MNAT1: variants seen among roughly 807,000 people sequenced by gnomAD.
MNAT1 encodes the protein MNAT1 component of CDK activating kinase.
In MNAT1, 43 loss-of-function variants were observed where a neutral mutation model predicts 42.0. The ratio of observed to expected loss-of-function variants is 1.02; its 90% CI spans 0.80 to 1.32. The LOEUF (loss-of-function observed/expected upper bound fraction) is 1.32, where lower values mean the gene tolerates loss of function less well. Among genes scored for constraint, MNAT1 ranks in the 40% most tolerant of loss-of-function variants. The probability of loss-of-function intolerance (pLI) is 0.00; values close to 1 mark genes in which losing one functional copy is unlikely to be tolerated. For synonymous variants in MNAT1, 118 were observed against 120.0 expected (o/e 0.98, Z 0.11); for missense variants, 306 against 350.4 (o/e 0.87, Z 1.01).
chr14:60,788,120 A>G (rs916546359), intron 1 of MNAT1, among the ~76,000 whole-genome samples: 3 of 152,156 alleles, frequency 2.0e-5, no homozygotes, highest in Non-Finnish European at 2.9e-5. Context: ...CAAGACTTCA[A>G]TGTCAGAATT....
intron 7 of MNAT1, among the ~76,000 whole-genome samples, chr14:60,925,971 C>G (rs562705404): frequency 6.6e-6 from 1 of 152,264 alleles, no homozygotes; most frequent in South Asian, 2.1e-4. Flanking sequence ...GTCAGAAGCA[C>G]TTTAGCACAT....
intron 1 of MNAT1, among the ~76,000 whole-genome samples, chr14:60,774,211 T>C (rs1172246958): frequency 1.3e-5 from 2 of 151,954 alleles, no homozygotes; most frequent in Non-Finnish European, 2.9e-5. Flanking sequence ...CCAGTAAGAG[T>C]CTTTCTAAAG....
At chr14:60,967,565 CTG>C (rs967357206) in intron 7 of MNAT1, among the ~76,000 whole-genome samples, 22 of 151,974 alleles carry the variant, frequency 1.4e-4, no homozygotes, top group African/African-American at 4.6e-4. Context: ...TTTAAAAAAA[CTG>C]TGTGGTTGCA....
chr14:60,787,532 G>A (rs909959921), intron 1 of MNAT1, among the ~76,000 whole-genome samples: 5 of 152,116 alleles, frequency 3.3e-5, no homozygotes, highest in African/African-American at 1.2e-4. Context: ...AATGAAGTTC[G>A]TTGCATTTAT....
intron 6 of MNAT1, among the ~76,000 whole-genome samples, chr14:60,857,210 GA>G (rs1244090789): frequency 6.6e-6 from 1 of 152,200 alleles, no homozygotes; most frequent in Non-Finnish European, 1.5e-5. Flanking sequence ...ACAGATGTAC[GA>G]GGAGATGAAG....
intron 1 of MNAT1, among the ~76,000 whole-genome samples, chr14:60,793,010 T>A (rs1212949636): frequency 2.0e-5 from 3 of 151,626 alleles, no homozygotes; most frequent in Non-Finnish European, 4.4e-5. Context: ...AACTACTACT[T>A]CTTCTTCTTC....
intron 1 of MNAT1, among the ~76,000 whole-genome samples, chr14:60,787,293 T>C (rs1455065576): frequency 1.3e-5 from 2 of 152,256 alleles, no homozygotes; most frequent in Non-Finnish European, 2.9e-5. Flanking sequence ...TACACTATAC[T>C]GTAGTATATT....
intron 1 of MNAT1, among the ~76,000 whole-genome samples, chr14:60,745,180 G>A (rs1400628960): frequency 6.6e-6 from 1 of 152,170 alleles, no homozygotes; most frequent in Non-Finnish European, 1.5e-5. Context: ...AGAAAGCTGA[G>A]GTATTTGTAG....
At chr14:60,937,019 G>C (rs1224019780) in intron 7 of MNAT1, among the ~76,000 whole-genome samples, 3 of 151,478 alleles carry the variant, frequency 2.0e-5, no homozygotes, top group Non-Finnish European at 4.4e-5. Flanking sequence ...CTGCATAAAT[G>C]TCTTCTTTTG....
intron 7 of MNAT1, among the ~76,000 whole-genome samples, chr14:60,951,688 TATC>T (rs1300291036): frequency 6.6e-6 from 1 of 152,186 alleles, no homozygotes; most frequent in Non-Finnish European, 1.5e-5. Flanking sequence ...TTCAGTTTAT[TATC>T]TATGATTGTG....
chr14:60,903,381 T>C (rs973970016), intron 7 of MNAT1, among the ~76,000 whole-genome samples: 3 of 152,154 alleles, frequency 2.0e-5, no homozygotes, highest in Non-Finnish European at 4.4e-5. Flanking sequence ...AGCTGAAAAC[T>C]TCAAGTTCAG....
Position 60,915,001 on chromosome 14 carries a change from T to G in MNAT1, c.809+35166T>G, listed in dbSNP as rs939152806. The stretch of plus-strand genomic sequence containing the variant: ...CGTTGGCTGATTATTCTGAAATATT[T>G]CAAGGTGAGAGAAGATGCTGATTGA... On this transcript the variant is annotated intron_variant, in intron 7 of 7. Transcript: ENST00000261245. 2.0e-5 allele frequency among the ~76,000 whole-genome samples: 3 copies of G among 152,202 alleles called. No individual in the cohort carries two copies. In the East Asian group the frequency reaches 5.8e-4, roughly 29 times the overall value.
intron 6 of MNAT1, among the ~76,000 whole-genome samples, chr14:60,861,599 A>C (rs1485078220): frequency 3.3e-5 from 5 of 152,198 alleles, no homozygotes; most frequent in African/African-American, 1.2e-4. Context: ...GCATCTTAAA[A>C]ATTGTCTGTA....
intron 1 of MNAT1, among the ~76,000 whole-genome samples, chr14:60,747,492 G>T (rs1203877390): frequency 1.3e-5 from 2 of 152,092 alleles, no homozygotes; most frequent in Admixed American, 1.3e-4. Context: ...TAACACAATG[G>T]TAAGTTTTTG....
At position 60,968,444 on chromosome 14, in the gene MNAT1, A is replaced by G; in HGVS notation, c.*95A>G. The G allele has an allele frequency of 6.5e-7, 1 of 1,538,986 alleles. No homozygotes were observed. Among genetic ancestry groups the G allele is most frequent in the Non-Finnish European group, 8.7e-7 (1 of 1,146,114 alleles). On this transcript the variant is annotated 3_prime_UTR_variant, in exon 8 of 8. Coordinates refer to ENST00000261245, the MANE Select transcript of MNAT1 (RefSeq NM_002431.4). ...ATAGCTATGTGCAGCTGCACAACAC[A>G]GTCCTTCCACTAGCAGCTGTGTTAA...
At chr14:60,772,761 G>A (rs1323778633) in intron 1 of MNAT1, among the ~76,000 whole-genome samples, 1 of 151,986 alleles carries the variant, frequency 6.6e-6, no homozygotes, top group Admixed American at 6.6e-5. Context: ...GCTAGTCTGA[G>A]ATTTCTTGAT....
chr14:60,742,339 C>T (rs1020488412), intron 1 of MNAT1, among the ~76,000 whole-genome samples: 2 of 152,146 alleles, frequency 1.3e-5, no homozygotes, highest in African/African-American at 2.4e-5. Context: ...CTACCCACCT[C>T]AGCCTCCCAA....
chr14:60,937,496 C>T (rs185369057), intron 7 of MNAT1, among the ~76,000 whole-genome samples: 3 of 152,234 alleles, frequency 2.0e-5, no homozygotes, highest in Admixed American at 2.0e-4. Context: ...AATCCTTTCC[C>T]CATTTCTTGT....
Position 60,869,023 on chromosome 14 carries a change from C to CATATATATATATAT in MNAT1, c.688-10686_688-10673dup, listed in dbSNP as rs1169429243. ...CTTTTTTATATTGTGTTATTTTATA[C>CATATATATATATAT]ATATATATATATATATATTTTTTTT... On this transcript the variant is annotated intron_variant, in intron 6 of 7. Transcript: ENST00000261245. Among the ~76,000 whole-genome samples, 399 of 101,682 alleles carry CATATATATATATAT rather than the reference C, an allele frequency of 3.9e-3. 8 individuals are homozygous for CATATATATATATAT. The highest frequency in any genetic ancestry group is 0.012 in the African/African-American group (357 of 30,782). The allele number at this position is 101,682 out of a possible 152,430, so 66.7% of individuals were successfully genotyped here. A position where few individuals can be genotyped will look rare whatever the true frequency, so the allele number is the denominator to read the frequency against.
Sources: gnomAD v4.1 joint callset for allele counts (sites outside exome capture counted in the v4.1 genomes callset) on GRCh38, gnomAD v4.1.1 for gene constraint, MANE v1.5 for transcripts, NCBI Gene and HGNC (gene_info 2026-07-23, HGNC 2026-07-21) for gene names.